IQSEC1: variants seen among roughly 807,000 people sequenced by gnomAD.
IQSEC1 encodes the protein IQ motif and SEC7 domain-containing protein 1.
IQSEC1 carries 31 observed loss-of-function variants against 91.0 expected under a neutral mutation model. That is an observed-to-expected ratio of 0.34 (90% CI 0.26 to 0.46). The LOEUF (loss-of-function observed/expected upper bound fraction) is 0.46, where lower values mean the gene tolerates loss of function less well. IQSEC1 is among the 20% of genes least tolerant of loss of function. The probability of loss-of-function intolerance (pLI) is 1.00; values close to 1 mark genes in which losing one functional copy is unlikely to be tolerated. For missense variants in IQSEC1, 1,388 were observed against 1,575.6 expected, an observed-to-expected ratio of 0.88 and a Z score of 2.02; for synonymous variants, 699 against 662.6, an observed-to-expected ratio of 1.05 and a Z score of -0.84.
chr3:12,974,837 C>G (rs1037649143), intron 1 of IQSEC1, among the ~76,000 whole-genome samples: 2 of 152,252 alleles, frequency 1.3e-5, no homozygotes, highest in Non-Finnish European at 2.9e-5. Flanking sequence ...AGGGAGGACA[C>G]TTATGCTGGG....
Position 12,898,700 on chromosome 3 carries a change from G to C in IQSEC1, c.*2283C>G, listed in dbSNP as rs1693894908. ...CCCAGCACAGAAGAGGGTGAGAAAA[G>C]CTGACATACTCAATATGTAATCGCT... On this transcript the variant is annotated 3_prime_UTR_variant, in exon 14 of 14. Transcript: ENST00000613206. 1 of 152,332 alleles carries C rather than the reference G, an allele frequency of 6.6e-6. No individual in the cohort carries two copies. Among genetic ancestry groups the C allele is most frequent in the Admixed American group, 6.5e-5 (1 of 15,294 alleles). 9.4% of individuals were successfully genotyped at this position (152,332 alleles called of 1,614,324 possible). A position where few individuals can be genotyped will look rare whatever the true frequency, so the allele number is the denominator to read the frequency against.
intron 2 of IQSEC1, among the ~76,000 whole-genome samples, chr3:13,161,496 T>C (rs1707176260): frequency 6.6e-6 from 1 of 152,086 alleles, no homozygotes; most frequent in Non-Finnish European, 1.5e-5. Context: ...TAGATCTGAA[T>C]GATCTGGGAC....
Position 13,057,064 on chromosome 3 carries a change from C to T in IQSEC1, c.23+15928G>A, listed in dbSNP as rs114531623. On this transcript the variant is annotated intron_variant, in intron 1 of 13. Coordinates refer to ENST00000613206, the MANE Select transcript of IQSEC1 (RefSeq NM_001134382.3). ...AAGCGGACACATATGCACACAGAGACGGGCGGTATCTATGTGCCTGCAATG... is the reference window on the plus strand; with the variant it reads ...AAGCGGACACATATGCACACAGAGATGGGCGGTATCTATGTGCCTGCAATG... Among the ~76,000 whole-genome samples the T allele has an allele frequency of 6.2e-3, 943 of 152,254 alleles. 8 individuals carry two copies. Among genetic ancestry groups the T allele is most frequent in the African/African-American group, 0.022 (896 of 41,540 alleles).
intron 1 of IQSEC1, among the ~76,000 whole-genome samples, chr3:13,165,725 G>A (rs1287131491): frequency 1.3e-5 from 2 of 151,962 alleles, no homozygotes; most frequent in African/African-American, 4.8e-5. Flanking sequence ...GAGCCCAGAA[G>A]CAGATTTTCC....
intron 1 of IQSEC1, among the ~76,000 whole-genome samples, chr3:13,043,906 A>T (rs1387329328): frequency 6.6e-6 from 1 of 152,200 alleles, no homozygotes; most frequent in Non-Finnish European, 1.5e-5. Context: ...ACTCCCCCTC[A>T]GATGAGGAAA....
At position 13,193,772 on chromosome 3, in the gene IQSEC1, C is replaced by T. The variant is rs904145770; in HGVS notation, c.273-29639G>A. On this transcript the variant is annotated intron_variant, in intron 1 of 15. Transcript: ENST00000648114. The surrounding 1 kb of genome is among the most constrained non-coding windows in gnomAD (Gnocchi z 4.2). ...GTGCTGGACGCTGTCCCACTTCCCC[C>T]GGCCCCACACCCTCCTGCCTGCACC... Among the ~76,000 whole-genome samples, 4 of 152,132 alleles carry T rather than the reference C, an allele frequency of 2.6e-5. No individual in the cohort carries two copies. Among genetic ancestry groups the T allele is most frequent in the Admixed American group, 6.5e-5 (1 of 15,288 alleles).
At position 13,073,078 on chromosome 3, in the gene IQSEC1, C is replaced by G; in HGVS notation, c.-64G>C. On this transcript the variant is annotated 5_prime_UTR_variant, in exon 1 of 14. Coordinates refer to ENST00000613206, the MANE Select transcript of IQSEC1 (RefSeq NM_001134382.3). Reference sequence around the variant, plus strand: ...CCAGCGGGGAGGCTCAACGTGTTTCCAAGAGGAGCAGGCGGCTCAGGCAAG... The same window carrying G: ...CCAGCGGGGAGGCTCAACGTGTTTCGAAGAGGAGCAGGCGGCTCAGGCAAG... 1.3e-6 allele frequency: 2 copies of G among 1,546,068 alleles called. No individual in the cohort carries two copies. Among genetic ancestry groups the G allele is most frequent in the Non-Finnish European group, 1.8e-6 (2 of 1,142,462 alleles).
At chr3:12,953,692 C>T (rs1354709749) in intron 1 of IQSEC1, among the ~76,000 whole-genome samples, 2 of 152,214 alleles carry the variant, frequency 1.3e-5, no homozygotes, top group Non-Finnish European at 2.9e-5. Flanking sequence ...AAGGAAGATG[C>T]AGTTTTTCGC....
chr3:12,985,487 CA>C (rs962467998), intron 1 of IQSEC1, among the ~76,000 whole-genome samples: 10 of 67,714 alleles, frequency 1.5e-4, no homozygotes, highest in African/African-American at 5.3e-4. Context: ...TACTGCTTAA[CA>C]ATCCCCCCCC....
chr3:13,203,675 G>C (rs532777010), intron 1 of IQSEC1, among the ~76,000 whole-genome samples: 8 of 152,326 alleles, frequency 5.3e-5, no homozygotes, highest in South Asian at 2.1e-4. Flanking sequence ...GAGAGGACGT[G>C]GTGGGTCTCA....
At chr3:13,004,560 G>A (rs1200094519) in intron 1 of IQSEC1, among the ~76,000 whole-genome samples, 3 of 152,148 alleles carry the variant, frequency 2.0e-5, no homozygotes, top group African/African-American at 7.2e-5. Flanking sequence ...GGATTATAAG[G>A]AAGTCAAACT....
In IQSEC1 at chr3:13,171,134, T is replaced by C. The variant is rs114025049; in HGVS notation, c.273-7001A>G. Among the ~76,000 whole-genome samples, 807 of 152,076 alleles carry C rather than the reference T, an allele frequency of 5.3e-3. 5 individuals carry two copies. Among genetic ancestry groups the C allele is most frequent in the African/African-American group, 0.019 (775 of 41,440 alleles). ...AAAAAAACAAAAAAAGAAAGCCTTG[T>C]GCCCTTCATTTCTCCCTGAGGAAAT... is the stretch of plus-strand genomic sequence containing the variant. On this transcript the variant is annotated intron_variant, in intron 1 of 15. Coordinates refer to the IQSEC1 transcript ENST00000648114.
intron 1 of IQSEC1, among the ~76,000 whole-genome samples, chr3:13,208,291 C>T (rs528429931): frequency 2.0e-5 from 3 of 151,974 alleles, no homozygotes; most frequent in African/African-American, 7.2e-5. Context: ...TCCCACTCTA[C>T]AGAGAAAAGG....
rs1223838283 is a variant in IQSEC1 at position 12,897,481 on chromosome 3, C to G, written c.*3502G>C. ...GATATTTTCCAAGAGGAGATGCATG[C>G]TGTGTGCAGTCTCGATGTGACTGCA... On this transcript the variant is annotated 3_prime_UTR_variant, in exon 14 of 14. Coordinates refer to ENST00000613206, the MANE Select transcript of IQSEC1 (RefSeq NM_001134382.3). 1 of 152,218 alleles carries G rather than the reference C, an allele frequency of 6.6e-6. No individual in the cohort carries two copies. Among genetic ancestry groups the G allele is most frequent in the Non-Finnish European group, 1.5e-5 (1 of 68,046 alleles). The allele number at this position is 152,218 out of a possible 1,614,324, so 9.4% of individuals were successfully genotyped here.
intron 1 of IQSEC1, among the ~76,000 whole-genome samples, chr3:13,279,051 C>T (rs575711818): frequency 3.3e-5 from 5 of 152,298 alleles, no homozygotes; most frequent in African/African-American, 1.2e-4. Flanking sequence ...GCAGGGCAGG[C>T]ACACAGGAAG....
rs1195362254 is a variant in IQSEC1 at position 12,992,063 on chromosome 3, C to G, written c.24-50198G>C. Among the ~76,000 whole-genome samples the G allele has an allele frequency of 6.6e-6, 1 of 152,196 alleles. No homozygotes were observed. Among genetic ancestry groups the G allele is most frequent in the Non-Finnish European group, 1.5e-5 (1 of 68,026 alleles). On this transcript the variant is annotated intron_variant, in intron 1 of 13. Coordinates refer to ENST00000613206, the MANE Select transcript of IQSEC1 (RefSeq NM_001134382.3). The surrounding 1 kb of genome is among the most constrained non-coding windows in gnomAD (Gnocchi z 4.1). ...ACAGGCCCCCTCCCTTGTCCCTCCACTGCAGAGACCTCTGAGGGGACACCG... is the reference window on the plus strand; with the variant it reads ...ACAGGCCCCCTCCCTTGTCCCTCCAGTGCAGAGACCTCTGAGGGGACACCG...
chr3:13,254,017 C>T (rs1418698752), intron 1 of IQSEC1, among the ~76,000 whole-genome samples: 1 of 152,196 alleles, frequency 6.6e-6, no homozygotes, highest in Admixed American at 6.5e-5. Flanking sequence ...GGCAGCAGCC[C>T]CTCCACATAA....
intron 1 of IQSEC1, among the ~76,000 whole-genome samples, chr3:12,965,675 A>C (rs556026672): frequency 6.6e-6 from 1 of 152,224 alleles, no homozygotes; most frequent in Non-Finnish European, 1.5e-5. Flanking sequence ...TGGAAGATTG[A>C]GATGAGATGC....
At chr3:13,135,919 T>A (rs1338146694) in intron 2 of IQSEC1, among the ~76,000 whole-genome samples, 3 of 152,156 alleles carry the variant, frequency 2.0e-5, no homozygotes, top group Non-Finnish European at 4.4e-5. Context: ...ATCGTGGACA[T>A]GAGAGGAGAA....
Sources: gnomAD v4.1 joint callset for allele counts (sites outside exome capture counted in the v4.1 genomes callset) on GRCh38, gnomAD v4.1.1 for gene constraint, Gnocchi (gnomAD v3.1) non-coding constraint, MANE v1.5 for transcripts, NCBI Gene and HGNC (gene_info 2026-07-23, HGNC 2026-07-21) for gene names.